NSD1: variants seen among roughly 807,000 people sequenced by gnomAD.
NSD1 encodes histone-lysine N-methyltransferase, H3 lysine-36 specific.
NSD1 carries 26 observed loss-of-function variants against 242.7 expected under a neutral mutation model. That is an observed-to-expected ratio of 0.11 (90% confidence interval 0.08 to 0.15). The LOEUF is 0.15. Among genes scored for constraint, NSD1 ranks in the 10% least tolerant of loss-of-function variants. The pLI is 1.00. For missense variants in NSD1, 2,495 were observed against 3,272.8 expected (o/e 0.76, Z 5.80); for synonymous variants, 1,106 against 1,178.1 (o/e 0.94, Z 1.25).
intron 5 of NSD1, among the ~76,000 whole-genome samples, chr5:177,219,465 G>A (rs1363697087): frequency 6.6e-6 from 1 of 151,718 alleles, no homozygotes; most frequent in East Asian, 1.9e-4. Context: ...GATTACAGGC[G>A]TGAGCCACCG....
At chr5:177,157,761 C>G (rs995043119) in intron 2 of NSD1, among the ~76,000 whole-genome samples, 4 of 152,182 alleles carry the variant, frequency 2.6e-5, no homozygotes, top group African/African-American at 9.6e-5. Context: ...CAGTCATTTC[C>G]CATTAAGTCT....
At chr5:177,185,677 T>TAA (rs1554184134) in intron 2 of NSD1, among the ~76,000 whole-genome samples, 7 of 122,316 alleles carry the variant, frequency 5.7e-5, no homozygotes, top group Non-Finnish European at 1.1e-4. Flanking sequence ...TATATATATA[T>TAA]AATATATATT....
intron 2 of NSD1, among the ~76,000 whole-genome samples, chr5:177,179,117 G>T (rs147855407): frequency 1.3e-5 from 2 of 152,166 alleles, no homozygotes; most frequent in Non-Finnish European, 2.9e-5. Flanking sequence ...AGTGTAAATC[G>T]TGTGATGGAA....
chr5:177,249,393 T>G (rs1420862819), intron 11 of NSD1, among the ~76,000 whole-genome samples: 1 of 151,972 alleles, frequency 6.6e-6, no homozygotes, highest in Non-Finnish European at 1.5e-5. Context: ...ATTACAGACT[T>G]GTCTTTTAAA....
In NSD1 at chr5:177,210,556, A is replaced by G; in HGVS notation, c.2157A>G (p.Ala719=). 1 of 1,614,220 alleles carries G rather than the reference A, an allele frequency of 6.2e-7. No individual in the cohort carries two copies. The part of the protein sequence containing the change: ...TDHLMGCTKS[A]EPGTETSQVN... ...ACTTAATGGGTTGTACTAAGAGTGCAGAGCCTGGAACCGAGACGTCTCAGG... is the reference window on the plus strand; with the variant it reads ...ACTTAATGGGTTGTACTAAGAGTGCGGAGCCTGGAACCGAGACGTCTCAGG... Residue 719 remains alanine, a synonymous_variant, in exon 5 of 23, where the codon GCA becomes GCG. Coordinates refer to ENST00000439151, the MANE Select transcript of NSD1 (RefSeq NM_022455.5).
chr5:177,147,857 T>C (rs769584902), intron 2 of NSD1, among the ~76,000 whole-genome samples: 1 of 152,192 alleles, frequency 6.6e-6, no homozygotes, highest in Non-Finnish European at 1.5e-5. Flanking sequence ...CCCAAAGTGC[T>C]GGGATTACAG....
At position 177,221,611 on chromosome 5, in the gene NSD1, C is replaced by T. The variant is rs184330696; in HGVS notation, c.3796+9416C>T. On this transcript the variant is annotated intron_variant, in intron 5 of 22. Coordinates refer to ENST00000439151, the MANE Select transcript of NSD1 (RefSeq NM_022455.5). Reference sequence around the variant, plus strand: ...CTCCCAAGTAGCTGGGATTAGATTACAGGCATGCGCCACCATGCCTGGCTA... The same window carrying T: ...CTCCCAAGTAGCTGGGATTAGATTATAGGCATGCGCCACCATGCCTGGCTA... Among the ~76,000 whole-genome samples the T allele has an allele frequency of 3.3e-5, 5 of 151,232 alleles. 1 individual carries two copies. Among genetic ancestry groups the T allele is most frequent in the Admixed American group, 1.3e-4 (2 of 15,162 alleles).
At chr5:177,171,545 A>C (rs1484937281) in intron 2 of NSD1, among the ~76,000 whole-genome samples, 3 of 152,156 alleles carry the variant, frequency 2.0e-5, no homozygotes, top group African/African-American at 4.8e-5. Flanking sequence ...CATTGTATGG[A>C]TATTTCACAT....
rs1485327762 is a variant in NSD1, at chr5:177,279,609, AATTTTTTT to A, written c.5623-955_5623-948del. On this transcript the variant is annotated intron_variant, in intron 17 of 22. Transcript: ENST00000439151. Reference sequence around the variant, plus strand: ...GTTCACCTGGCTTATCAGCTTTGAAAATTTTTTTTTTTTTTTTTTTTTTTTTTTTGAGA... The same window carrying A: ...GTTCACCTGGCTTATCAGCTTTGAAATTTTTTTTTTTTTTTTTTTTTGAGA... Among the ~76,000 whole-genome samples, 47 of 107,842 alleles carry A rather than the reference AATTTTTTT, an allele frequency of 4.4e-4. 1 individual carries two copies. Among genetic ancestry groups the A allele is most frequent in the African/African-American group, 1.7e-3 (44 of 26,146 alleles). The allele number at this position is 107,842 out of a possible 152,430, so 70.7% of individuals were successfully genotyped here.
rs139085502 is a variant in NSD1 at position 177,210,666 on chromosome 5, A to G, written c.2267A>G (p.Asn756Ser). 1.4e-5 allele frequency: 23 copies of G among 1,614,128 alleles called. No homozygotes were observed. In the East Asian group the frequency reaches 2.9e-4, roughly 20 times the overall value. The change falls in exon 5 of 23, where the codon AAC becomes AGC. Residue 756 changes from asparagine to serine, a missense_variant. Asn to Ser is a conservative substitution (Grantham distance 46, BLOSUM62 1). This residue lies in a region of NSD1 where 515 missense variants were observed against 467.0 expected (regional missense o/e 1.10). Coordinates refer to ENST00000439151, the MANE Select transcript of NSD1 (RefSeq NM_022455.5). ...AATGATGCTCTCTCTCCAAAATTCA[A>G]CCTGTCATCAAGCATATCCAGTGAG... is the stretch of plus-strand genomic sequence containing the variant. ...FTNDALSPKF[N>S]LSSSISSENS...
chr5:177,156,649 T>A (rs982747668), intron 2 of NSD1, among the ~76,000 whole-genome samples: 5 of 152,170 alleles, frequency 3.3e-5, no homozygotes, highest in Non-Finnish European at 2.9e-5. Context: ...AGACCCCCTC[T>A]TCATGAAAAA....
chr5:177,248,148 T>C, intron 10 of NSD1, 33 bp from the exon 11 acceptor site: 1 of 1,612,808 alleles, frequency 6.2e-7, no homozygotes, highest in Non-Finnish European at 8.5e-7. Flanking sequence ...ACATCAATAA[T>C]ACAGATGTGG....
At chr5:177,212,791 C>T (rs571309574) in intron 5 of NSD1, among the ~76,000 whole-genome samples, 16 of 151,876 alleles carry the variant, frequency 1.1e-4, no homozygotes, top group African/African-American at 3.9e-4. Context: ...TTAAGGCACC[C>T]GCCACCATAC....
At chr5:177,171,795 T>C (rs1039212948) in intron 2 of NSD1, among the ~76,000 whole-genome samples, 9 of 152,274 alleles carry the variant, frequency 5.9e-5, no homozygotes, top group African/African-American at 2.2e-4. Context: ...GGACTTCTTT[T>C]TCATGGTTGA....
At chr5:177,291,827 G>A (rs1759855345) in intron 21 of NSD1, 127 bp from the exon 22 acceptor site, 8 of 930,980 alleles carry the variant, frequency 8.6e-6, no homozygotes, top group Non-Finnish European at 1.4e-5. Context: ...TACCTTTCCT[G>A]CATTTTATCT....
intron 19 of NSD1, 60 bp downstream of exon 19, chr5:177,282,641 C>A: frequency 8.0e-7 from 1 of 1,255,136 alleles, no homozygotes; most frequent in Non-Finnish European, 1.2e-6. Context: ...GTTGTCCCAG[C>A]CATAGTATTT....
intron 21 of NSD1, among the ~76,000 whole-genome samples, chr5:177,291,364 T>G (rs1283222745): frequency 1.3e-5 from 2 of 152,114 alleles, no homozygotes; most frequent in African/African-American, 2.4e-5. Flanking sequence ...AATATAAAAG[T>G]GAAACTTTGG....
chr5:177,287,253 CT>C (rs1759408117), intron 20 of NSD1, among the ~76,000 whole-genome samples: 2 of 152,250 alleles, frequency 1.3e-5, no homozygotes, highest in Admixed American at 6.5e-5. Flanking sequence ...AAGTATCCTG[CT>C]TTCTTTTATT....
chr5:177,259,923 C>A, intron 13 of NSD1, 66 bp from the exon 14 acceptor site: 1 of 1,554,604 alleles, frequency 6.4e-7, no homozygotes, highest in Non-Finnish European at 8.8e-7. Context: ...ACTTGAATAA[C>A]TCACATTCTT....
Sources: gnomAD v4.1 joint callset for allele counts (sites outside exome capture counted in the v4.1 genomes callset) on GRCh38, gnomAD v4.1.1 for gene constraint, gnomAD v4.1.1 regional missense constraint, MANE v1.5 for transcripts, NCBI Gene and HGNC (gene_info 2026-07-23, HGNC 2026-07-21) for gene names.